The following PLEKHA5 variants were observed in gnomAD, a reference collection of about 807,000 sequenced individuals.
PLEKHA5 encodes pleckstrin homology domain-containing family A member 5.
Under a neutral mutation model 181.9 loss-of-function variants are expected in PLEKHA5, and 55 were observed. The ratio of observed to expected loss-of-function variants is 0.30; its 90% CI spans 0.24 to 0.38. PLEKHA5 has a LOEUF of 0.38. Ranked by LOEUF, PLEKHA5 falls within the 10% of genes least tolerant of loss-of-function variation. The probability of loss-of-function intolerance (pLI) is 1.00; values close to 1 mark genes in which losing one functional copy is unlikely to be tolerated. For missense variants in PLEKHA5, 1,432 were observed against 1,549.5 expected, an observed-to-expected ratio of 0.92 and a Z score of 1.27; for synonymous variants, 535 against 529.4, an observed-to-expected ratio of 1.01 and a Z score of -0.15.
At chr12:19,164,875 G>C (rs903663409) in intron 3 of PLEKHA5, among the ~76,000 whole-genome samples, 1 of 151,726 alleles carries the variant, frequency 6.6e-6, no homozygotes, top group African/African-American at 2.4e-5. Flanking sequence ...TTCTACTTGC[G>C]GATGTCACAG....
intron 3 of PLEKHA5, among the ~76,000 whole-genome samples, chr12:19,244,695 C>T (rs1025298154): frequency 6.6e-6 from 1 of 152,136 alleles, no homozygotes; most frequent in African/African-American, 2.4e-5. Context: ...TAGTAAGAAA[C>T]AACTGAAATC....
Position 19,355,619 on chromosome 12 carries a change from A to G in PLEKHA5, c.3138+1617A>G, listed in dbSNP as rs1051554193. Among the ~76,000 whole-genome samples the G allele has an allele frequency of 3.3e-5, 5 of 152,132 alleles. No homozygotes were observed. In the East Asian group the frequency reaches 9.7e-4, roughly 29 times the overall value. ...AAGTACAACTACAAAGTACATGCCA[A>G]AAAAAACTCAGCTGCATTTATACAT... On this transcript the variant is annotated intron_variant, in intron 26 of 31. Transcript: ENST00000429027.
At chr12:19,261,254 C>G (rs1648100576) in intron 7 of PLEKHA5, among the ~76,000 whole-genome samples, 1 of 152,090 alleles carries the variant, frequency 6.6e-6, no homozygotes, top group Non-Finnish European at 1.5e-5. Context: ...CTTCCCTAAT[C>G]TTTGCTCTAT....
At chr12:19,208,407 CAA>C (rs35439122) in intron 3 of PLEKHA5, among the ~76,000 whole-genome samples, 1 of 72,468 alleles carries the variant, frequency 1.4e-5, no homozygotes. Flanking sequence ...AACTCTGTCT[CAA>C]AAAAAAAAAA....
chr12:19,156,798 A>G (rs1257754224), intron 3 of PLEKHA5, among the ~76,000 whole-genome samples: 64 of 151,604 alleles, frequency 4.2e-4, no homozygotes, highest in Non-Finnish European at 1.5e-5. Context: ...TAGTCCCTGC[A>G]CTTTGGGAGG....
chr12:19,344,051 A>C (rs1286431234), intron 22 of PLEKHA5, among the ~76,000 whole-genome samples: 3 of 83,078 alleles, frequency 3.6e-5, no homozygotes, highest in African/African-American at 2.2e-4. Context: ...AACTGTCCCA[A>C]AAAAAAAAAA....
intron 3 of PLEKHA5, among the ~76,000 whole-genome samples, chr12:19,220,042 A>T (rs1051977611): frequency 4.6e-5 from 7 of 152,152 alleles, no homozygotes; most frequent in African/African-American, 1.7e-4. Flanking sequence ...ATGAGTATAG[A>T]TGTTAACCAT....
intron 3 of PLEKHA5, among the ~76,000 whole-genome samples, chr12:19,172,968 T>G (rs1487020081): frequency 6.0e-5 from 9 of 151,188 alleles, no homozygotes; most frequent in Non-Finnish European, 1.2e-4. Context: ...AAAGTTGTTT[T>G]TTTTTTTTTA....
intron 30 of PLEKHA5, among the ~76,000 whole-genome samples, chr12:19,368,886 G>C (rs905027645): frequency 6.6e-6 from 1 of 151,970 alleles, no homozygotes; most frequent in African/African-American, 2.4e-5. Context: ...AGCAGGTCTG[G>C]ATCAAAGTGT....
Position 19,288,272 on chromosome 12 carries a change from G to A in PLEKHA5, c.1863+716G>A, listed in dbSNP as rs543856898. ...TAGATTAACTTCTTTAGAGCTGTTTGTAAAATAAACTGATTTACATATCAG... is the reference window on the plus strand; with the variant it reads ...TAGATTAACTTCTTTAGAGCTGTTTATAAAATAAACTGATTTACATATCAG... On this transcript the variant is annotated intron_variant, in intron 13 of 31. Transcript: ENST00000429027. Among the ~76,000 whole-genome samples, 8 of 152,250 alleles carry A rather than the reference G, an allele frequency of 5.3e-5. No individual in the cohort carries two copies. In the South Asian group the frequency reaches 8.3e-4, roughly 16 times the overall value.
rs116603733 is a variant in PLEKHA5, at chr12:19,210,442, G to A, written c.228-43498G>A. 1.9e-3 allele frequency among the ~76,000 whole-genome samples: 293 copies of A among 152,164 alleles called. 1 individual carries two copies. The highest frequency in any genetic ancestry group is 6.7e-3 in the African/African-American group (278 of 41,530). Reference sequence around the variant, plus strand: ...TTGTCATTTAACATGAATGATTTCCGGTGGAAGAGTTCTGGATTTTAGGAA... The same window carrying A: ...TTGTCATTTAACATGAATGATTTCCAGTGGAAGAGTTCTGGATTTTAGGAA... On this transcript the variant is annotated intron_variant, in intron 3 of 31. Transcript: ENST00000429027.
chr12:19,221,282 A>G (rs1352544069), intron 3 of PLEKHA5, among the ~76,000 whole-genome samples: 39 of 152,186 alleles, frequency 2.6e-4, no homozygotes, highest in Admixed American at 2.6e-3. Flanking sequence ...AAACTGTGGT[A>G]TATCCAAATA....
chr12:19,281,851 G>A (rs189676012), intron 11 of PLEKHA5, among the ~76,000 whole-genome samples: 1 of 152,002 alleles, frequency 6.6e-6, no homozygotes, highest in South Asian at 2.1e-4. Context: ...GCGCGATCTT[G>A]TCTCGCTGCA....
At chr12:19,240,505 A>T (rs1240256318) in intron 3 of PLEKHA5, among the ~76,000 whole-genome samples, 1 of 148,818 alleles carries the variant, frequency 6.7e-6, no homozygotes, top group Non-Finnish European at 1.5e-5. Context: ...TAATGGCACC[A>T]TCATAGCTCA....
At chr12:19,137,168 G>C (rs1473499357) in intron 3 of PLEKHA5, among the ~76,000 whole-genome samples, 2 of 151,962 alleles carry the variant, frequency 1.3e-5, no homozygotes, top group Non-Finnish European at 2.9e-5. Flanking sequence ...AAGTAGTTGA[G>C]ATTACAGGTG....
At chr12:19,183,553 T>C (rs755913765) in intron 3 of PLEKHA5, among the ~76,000 whole-genome samples, 2 of 152,176 alleles carry the variant, frequency 1.3e-5, no homozygotes, top group Non-Finnish European at 2.9e-5. Flanking sequence ...GTAACGACAC[T>C]TTAATGTTAA....
chr12:19,293,919 T>C (rs1009539797), intron 15 of PLEKHA5, among the ~76,000 whole-genome samples: 1 of 152,204 alleles, frequency 6.6e-6, no homozygotes, highest in African/African-American at 2.4e-5. Context: ...TCCATGCTTG[T>C]GGTCCTACTG....
intron 3 of PLEKHA5, among the ~76,000 whole-genome samples, chr12:19,161,574 T>G (rs965920958): frequency 6.6e-6 from 1 of 152,160 alleles, no homozygotes; most frequent in Non-Finnish European, 1.5e-5. Context: ...ATTTACAGCT[T>G]CTCAGGTGAT....
At position 19,249,294 on chromosome 12, in the gene PLEKHA5, G is replaced by A. The variant is rs115874678; in HGVS notation, c.228-4646G>A. Reference sequence around the variant, plus strand: ...GGGGTCATTATTAAGTAAAGTAAAGGTTGTTTGAACACAAAAACTGCAATA... The same window carrying A: ...GGGGTCATTATTAAGTAAAGTAAAGATTGTTTGAACACAAAAACTGCAATA... On this transcript the variant is annotated intron_variant, in intron 3 of 31. Coordinates refer to ENST00000429027, the MANE Select transcript of PLEKHA5 (RefSeq NM_001256470.2). Among the ~76,000 whole-genome samples the A allele has an allele frequency of 3.7e-3, 558 of 152,222 alleles. 5 individuals are homozygous for A. The highest frequency in any genetic ancestry group is 0.013 in the African/African-American group (531 of 41,532).
Sources: gnomAD v4.1 joint callset for allele counts (sites outside exome capture counted in the v4.1 genomes callset) on GRCh38, gnomAD v4.1.1 for gene constraint, MANE v1.5 for transcripts, NCBI Gene and HGNC (gene_info 2026-07-23, HGNC 2026-07-21) for gene names.